PRDM16: variants seen among roughly 807,000 people sequenced by gnomAD.
PRDM16 encodes histone-lysine N-methyltransferase PRDM16.
Under a neutral mutation model 110.6 loss-of-function variants are expected in PRDM16, and 23 were observed. That is an observed-to-expected ratio of 0.21 (90% CI 0.15 to 0.29). The LOEUF (loss-of-function observed/expected upper bound fraction) is 0.29. Ranked by LOEUF, PRDM16 falls within the 10% of genes least tolerant of loss-of-function variation. The probability of loss-of-function intolerance (pLI) is 1.00; values close to 1 mark genes in which losing one functional copy is unlikely to be tolerated. For missense variants in PRDM16, 1,615 were observed against 1,794.3 expected (o/e 0.90, Z 1.81); for synonymous variants, 799 against 781.8 (o/e 1.02, Z -0.37).
chr1:3,348,712 C>T (rs932893955), intron 3 of PRDM16, among the ~76,000 whole-genome samples: 1 of 152,274 alleles, frequency 6.6e-6, no homozygotes, highest in Non-Finnish European at 1.5e-5. Context: ...CTGTTCAGTT[C>T]TTCACAGGAA....
chr1:3,384,799 A>T (rs577442910), intron 3 of PRDM16, among the ~76,000 whole-genome samples: 2 of 152,190 alleles, frequency 1.3e-5, no homozygotes, highest in Non-Finnish European at 2.9e-5. Flanking sequence ...CTGCTCCCAG[A>T]TGCAGCAGTC....
At chr1:3,242,787 G>A (rs1216342608) in intron 2 of PRDM16, among the ~76,000 whole-genome samples, 2 of 152,214 alleles carry the variant, frequency 1.3e-5, no homozygotes, top group South Asian at 2.1e-4. Context: ...TAAGGGGAGG[G>A]GAAAGAAAAT....
intron 1 of PRDM16, among the ~76,000 whole-genome samples, chr1:3,140,403 G>A (rs973419967): frequency 1.3e-4 from 20 of 152,128 alleles, no homozygotes; most frequent in Non-Finnish European, 2.9e-4. Context: ...GGCCTTGACG[G>A]GGCTGGGAGG....
chr1:3,140,589 A>G (rs2100700710), intron 1 of PRDM16, among the ~76,000 whole-genome samples: 1 of 152,356 alleles, frequency 6.6e-6, no homozygotes, highest in Middle Eastern at 3.4e-3. Context: ...CAATTCATTA[A>G]GGGCTATTTA....
chr1:3,227,476 C>T (rs958469620), intron 2 of PRDM16, among the ~76,000 whole-genome samples: 1 of 152,256 alleles, frequency 6.6e-6, no homozygotes, highest in Non-Finnish European at 1.5e-5. Context: ...CGGTGTCTCT[C>T]AGGCATGGAG....
At chr1:3,318,145 G>GT (rs140970102) in intron 3 of PRDM16, among the ~76,000 whole-genome samples, 5 of 151,648 alleles carry the variant, frequency 3.3e-5, no homozygotes, top group Admixed American at 1.3e-4. Flanking sequence ...TTTACTGCAA[G>GT]TTTTTTTTTG....
At chr1:3,299,137 C>T (rs1000115185) in intron 3 of PRDM16, among the ~76,000 whole-genome samples, 14 of 151,712 alleles carry the variant, frequency 9.2e-5, no homozygotes, top group African/African-American at 4.9e-5. Context: ...CGATCCCAGT[C>T]GTGGTGGCTC....
intron 3 of PRDM16, among the ~76,000 whole-genome samples, chr1:3,300,214 A>C (rs56046150): frequency 6.1e-3 from 252 of 40,980 alleles, no homozygotes; most frequent in Middle Eastern, 0.017. Flanking sequence ...ATGCTGTGGC[A>C]GTGATGTTTC....
Position 3,414,726 on chromosome 1 carries a change from G to T in PRDM16, c.2691+79G>T, listed in dbSNP as rs1197882201. On this transcript the variant is annotated intron_variant, in intron 10 of 16. Transcript: ENST00000270722. The stretch of plus-strand genomic sequence containing the variant: ...ATCTCCCGGCTGTCGAGGCTCAGTG[G>T]CCAGGCTGGAGCCTAAGTCCCCGTC... 5 of 1,137,468 alleles carry T rather than the reference G, an allele frequency of 4.4e-6. No homozygotes were observed. In the African/African-American group the frequency reaches 7.6e-5, roughly 17 times the overall value. 70.5% of individuals were successfully genotyped at this position (1,137,468 alleles called of 1,614,324 possible).
chr1:3,409,753 G>A (rs1055847343), intron 8 of PRDM16, among the ~76,000 whole-genome samples: 4 of 141,324 alleles, frequency 2.8e-5, no homozygotes, highest in African/African-American at 1.1e-4. Flanking sequence ...TGTGTGGTGT[G>A]GGTGTGAGTG....
Position 3,157,723 on chromosome 1 carries a change from G to A in PRDM16, c.38-28402G>A, listed in dbSNP as rs561674399. On this transcript the variant is annotated intron_variant, in intron 1 of 16. Transcript: ENST00000270722. The surrounding 1 kb of genome is among the most constrained non-coding windows in gnomAD (Gnocchi z 4.8). ...GGCGTCTCAGCAAATACCCACAGGA[G>A]GCTGTGTTTGGCCACTAGCGGAGAT... 6.6e-6 allele frequency among the ~76,000 whole-genome samples: 1 copy of A among 152,232 alleles called. No individual in the cohort carries two copies. The highest frequency in any genetic ancestry group is 6.5e-5 in the Admixed American group (1 of 15,294).
rs1198562131 is a variant in PRDM16, at chr1:3,257,083, G to A, written c.438+12946G>A. 2.0e-5 allele frequency among the ~76,000 whole-genome samples: 3 copies of A among 152,188 alleles called. No individual in the cohort carries two copies. In the East Asian group the frequency reaches 5.8e-4, roughly 29 times the overall value. The stretch of plus-strand genomic sequence containing the variant: ...TTAATACGTTAAGTGACGCACGTAG[G>A]GCTGTGCTGGCCTGCAGCAAACACT... On this transcript the variant is annotated intron_variant, in intron 3 of 16. Coordinates refer to ENST00000270722, the MANE Select transcript of PRDM16 (RefSeq NM_022114.4).
At chr1:3,323,266 G>A (rs1487271484) in intron 3 of PRDM16, among the ~76,000 whole-genome samples, 3 of 152,224 alleles carry the variant, frequency 2.0e-5, no homozygotes, top group African/African-American at 4.8e-5. Context: ...AGGACACAGC[G>A]TTGCCATCAC....
intron 3 of PRDM16, among the ~76,000 whole-genome samples, chr1:3,347,829 G>T (rs1334473914): frequency 6.6e-6 from 1 of 152,220 alleles, no homozygotes; most frequent in Non-Finnish European, 1.5e-5. Context: ...GGAACAGGAA[G>T]GGCAGCCACC....
chr1:3,105,678 G>C (rs72846072), intron 1 of PRDM16, among the ~76,000 whole-genome samples: 4,035 of 152,310 alleles, frequency 0.026, 231 homozygotes, highest in East Asian at 0.22. Flanking sequence ...TGCATTCCTC[G>C]GGCAGGCTCT....
intron 3 of PRDM16, among the ~76,000 whole-genome samples, chr1:3,376,571 C>T (rs989870423): frequency 1.3e-5 from 2 of 152,216 alleles, no homozygotes; most frequent in African/African-American, 4.8e-5. Context: ...CAGCCCCCTC[C>T]AGCTTCTTCC....
chr1:3,205,896 C>A (rs58322762), intron 2 of PRDM16: 3 of 152,172 alleles, frequency 2.0e-5, no homozygotes, highest in African/African-American at 7.2e-5. Flanking sequence ...ATGGAACCAC[C>A]TGAATCTCCG....
intron 3 of PRDM16, among the ~76,000 whole-genome samples, chr1:3,312,795 T>A (rs2100419804): frequency 6.6e-6 from 1 of 152,340 alleles, no homozygotes; most frequent in Non-Finnish European, 1.5e-5. Flanking sequence ...GATTCAACAT[T>A]TTTTCCAGAA....
In PRDM16 at chr1:3,353,102, G is replaced by A. The variant is rs967395302; in HGVS notation, c.439-32050G>A. 1.2e-4 allele frequency among the ~76,000 whole-genome samples: 19 copies of A among 152,204 alleles called. No homozygotes were observed. Among genetic ancestry groups the A allele is most frequent in the Non-Finnish European group, 2.4e-4 (16 of 68,034 alleles). On this transcript the variant is annotated intron_variant, in intron 3 of 16. Transcript: ENST00000270722. The surrounding 1 kb of genome is among the most constrained non-coding windows in gnomAD (Gnocchi z 5.4). ...AAAGGGAGGCTGCAGCCGCACACCC[G>A]AAGAGCTCGAAAGCTGGCCCCCAGC...
Sources: gnomAD v4.1 joint callset for allele counts (sites outside exome capture counted in the v4.1 genomes callset) on GRCh38, gnomAD v4.1.1 for gene constraint, Gnocchi (gnomAD v3.1) non-coding constraint, MANE v1.5 for transcripts, NCBI Gene and HGNC (gene_info 2026-07-23, HGNC 2026-07-21) for gene names.